Variants in FSTL5 observed in about 807,000 individuals in gnomAD.
FSTL5 encodes the protein follistatin like 5, also known as follistatin-related protein 5.
Under a neutral mutation model 89.1 loss-of-function variants are expected in FSTL5, and 62 were observed. The observed-to-expected ratio is 0.70, with a 90% CI of 0.57 to 0.86. The LOEUF (loss-of-function observed/expected upper bound fraction) is 0.86. Ranked by LOEUF, FSTL5 falls within the 40% of genes least tolerant of loss-of-function variation. The pLI is 0.00. For missense variants in FSTL5, 1,057 were observed against 1,001.6 expected (o/e 1.06, Z -0.75); for synonymous variants, 383 against 346.2 (o/e 1.11, Z -1.18).
intron 11 of FSTL5, among the ~76,000 whole-genome samples, chr4:161,502,803 A>C (rs984356895): frequency 6.6e-6 from 1 of 151,818 alleles, no homozygotes; most frequent in Non-Finnish European, 1.5e-5. Context: ...TGCACATATA[A>C]ATTTATTAAG....
intron 8 of FSTL5, among the ~76,000 whole-genome samples, chr4:161,586,351 C>A (rs930500178): frequency 6.6e-6 from 1 of 152,060 alleles, no homozygotes; most frequent in African/African-American, 2.4e-5. Flanking sequence ...AGTTAACATG[C>A]TAAAATTTAA....
intron 2 of FSTL5, among the ~76,000 whole-genome samples, chr4:162,087,933 C>A (rs1163758559): frequency 1.3e-5 from 2 of 152,082 alleles, no homozygotes; most frequent in Non-Finnish European, 2.9e-5. Context: ...TGTAGTCATT[C>A]TTGGATTATG....
intron 2 of FSTL5, among the ~76,000 whole-genome samples, chr4:162,046,268 T>C (rs896490959): frequency 6.6e-6 from 1 of 152,116 alleles, no homozygotes; most frequent in Non-Finnish European, 1.5e-5. Context: ...TACAACACAA[T>C]GTTAAAGAAT....
chr4:161,713,007 A>C (rs1471644276), intron 6 of FSTL5, among the ~76,000 whole-genome samples: 1 of 152,156 alleles, frequency 6.6e-6, no homozygotes, highest in Non-Finnish European at 1.5e-5. Flanking sequence ...TTCTTTATAA[A>C]TTAACCAGTC....
chr4:161,958,700 CT>C (rs1364236882), intron 3 of FSTL5, among the ~76,000 whole-genome samples: 1 of 152,054 alleles, frequency 6.6e-6, no homozygotes, highest in Admixed American at 6.6e-5. Context: ...TCTCACTGAT[CT>C]TTTTTCTCCC....
chr4:162,129,176 A>G (rs1426837677), intron 1 of FSTL5, among the ~76,000 whole-genome samples: 1 of 152,082 alleles, frequency 6.6e-6, no homozygotes, highest in Admixed American at 6.5e-5. Flanking sequence ...CAGGTCATGC[A>G]CCCGCCTTGG....
intron 2 of FSTL5, 28 bp downstream of exon 2, chr4:162,111,243 A>G: frequency 5.2e-6 from 8 of 1,549,908 alleles, no homozygotes; most frequent in Non-Finnish European, 7.0e-6. Context: ...GGCAGGCACT[A>G]TGAGCAGATT....
intron 6 of FSTL5, among the ~76,000 whole-genome samples, chr4:161,680,549 G>T (rs897602040): frequency 1.3e-5 from 2 of 151,646 alleles, no homozygotes; most frequent in Admixed American, 1.3e-4. Context: ...CCCTCTGCTA[G>T]CTTTCTTTGG....
At chr4:162,103,253 C>T (rs960631895) in intron 2 of FSTL5, among the ~76,000 whole-genome samples, 8 of 152,110 alleles carry the variant, frequency 5.3e-5, no homozygotes, top group East Asian at 1.9e-4. Flanking sequence ...GGAATAAACA[C>T]GCAAACAACA....
In FSTL5 at chr4:161,412,042, T is replaced by G. The variant is rs539836878; in HGVS notation, c.1842-25593A>C. ...AAAAATCAGTAGCATTTCCATACACTAACAACATCCAGGCTGAGAGTGAAA... is the reference window on the plus strand; with the variant it reads ...AAAAATCAGTAGCATTTCCATACACGAACAACATCCAGGCTGAGAGTGAAA... On this transcript the variant is annotated intron_variant, in intron 15 of 15. Transcript: ENST00000306100. 2.0e-5 allele frequency among the ~76,000 whole-genome samples: 3 copies of G among 152,166 alleles called. No homozygotes were observed. The East Asian group carries it at 5.8e-4, about 30-fold the overall frequency.
At chr4:161,594,884 T>A (rs1733958268) in intron 7 of FSTL5, among the ~76,000 whole-genome samples, 1 of 152,064 alleles carries the variant, frequency 6.6e-6, no homozygotes, top group East Asian at 1.9e-4. Flanking sequence ...AAATGAAACA[T>A]GAAATTTTAT....
At chr4:161,790,597 C>T (rs574710496) in intron 4 of FSTL5, among the ~76,000 whole-genome samples, 5 of 152,196 alleles carry the variant, frequency 3.3e-5, no homozygotes, top group African/African-American at 1.2e-4. Context: ...TTTTATACTG[C>T]CATATATATT....
At chr4:161,959,950 G>A (rs1735126652) in intron 3 of FSTL5, among the ~76,000 whole-genome samples, 1 of 152,004 alleles carries the variant, frequency 6.6e-6, no homozygotes, top group South Asian at 2.1e-4. Context: ...GACATAGCAA[G>A]TATTTCAAAG....
At chr4:161,997,780 A>AT (rs1441082820) in intron 3 of FSTL5, among the ~76,000 whole-genome samples, 2 of 126,864 alleles carry the variant, frequency 1.6e-5, no homozygotes, top group Non-Finnish European at 3.5e-5. Flanking sequence ...AATTTTTCGT[A>AT]TTTTTAGTAG....
At chr4:161,477,116 A>C (rs1165090420) in intron 13 of FSTL5, among the ~76,000 whole-genome samples, 1 of 150,738 alleles carries the variant, frequency 6.6e-6, no homozygotes, top group African/African-American at 2.4e-5. Context: ...TGACACAATA[A>C]ACAAATCGTG....
intron 8 of FSTL5, among the ~76,000 whole-genome samples, chr4:161,586,192 T>C (rs1733611458): frequency 6.6e-6 from 1 of 152,228 alleles, no homozygotes; most frequent in Non-Finnish European, 1.5e-5. Flanking sequence ...TATCCATTTA[T>C]ATTTATTTCT....
chr4:161,625,368 C>T (rs1172180917), intron 7 of FSTL5, among the ~76,000 whole-genome samples: 1 of 152,022 alleles, frequency 6.6e-6, no homozygotes, highest in Non-Finnish European at 1.5e-5. Context: ...CACAATATCT[C>T]CAACTTTTTT....
At chr4:162,058,337 A>G (rs569898704) in intron 2 of FSTL5, among the ~76,000 whole-genome samples, 1 of 152,208 alleles carries the variant, frequency 6.6e-6, no homozygotes, top group South Asian at 2.1e-4. Flanking sequence ...ATATCAAATG[A>G]CAAGAAATAG....
At chr4:161,561,844 G>A (rs1171406312) in intron 8 of FSTL5, among the ~76,000 whole-genome samples, 1 of 151,992 alleles carries the variant, frequency 6.6e-6, no homozygotes, top group Non-Finnish European at 1.5e-5. Flanking sequence ...AAAAATTAAA[G>A]TCACTTTGAG....
Sources: gnomAD v4.1 joint callset for allele counts (sites outside exome capture counted in the v4.1 genomes callset) on GRCh38, gnomAD v4.1.1 for gene constraint, MANE v1.5 for transcripts, NCBI Gene and HGNC (gene_info 2026-07-23, HGNC 2026-07-21) for gene names.